The following CDH11 variants were observed in gnomAD, a reference collection of about 807,000 sequenced individuals.
The protein encoded by CDH11 is cadherin-11.
In CDH11, 11 loss-of-function variants were observed where a neutral mutation model predicts 67.8. That is an observed-to-expected ratio of 0.16 (90% CI 0.10 to 0.27). The LOEUF (loss-of-function observed/expected upper bound fraction) is 0.27, where lower values mean the gene tolerates loss of function less well. Ranked by LOEUF, CDH11 falls within the 10% of genes least tolerant of loss-of-function variation. CDH11 has a pLI of 1.00. For synonymous variants in CDH11, 419 were observed against 400.0 expected, an observed-to-expected ratio of 1.05 and a Z score of -0.57; for missense variants, 847 against 1,031.2, an observed-to-expected ratio of 0.82 and a Z score of 2.45.
chr16:65,094,039 C>T (rs188730698), intron 1 of CDH11, among the ~76,000 whole-genome samples: 208 of 152,258 alleles, frequency 1.4e-3, no homozygotes, highest in African/African-American at 4.4e-3. Context: ...AATACTAAGG[C>T]CCATTTACTA....
chr16:64,961,034 C>T (rs1475099684), intron 11 of CDH11, among the ~76,000 whole-genome samples: 2 of 152,202 alleles, frequency 1.3e-5, no homozygotes, highest in South Asian at 2.1e-4. Flanking sequence ...TGGGGATTCC[C>T]TGACATCAGA....
At position 64,947,328 on chromosome 16, in the gene CDH11, A is replaced by ACTT. The variant is rs2071219487; in HGVS notation, c.*272_*274dup. The ACTT allele has an allele frequency of 1.3e-5, 16 of 1,225,624 alleles. No individual in the cohort carries two copies. The South Asian group carries it at 3.2e-4, about 25-fold the overall frequency. The allele number at this position is 1,225,624 out of a possible 1,614,324, so 75.9% of individuals were successfully genotyped here. On this transcript the variant is annotated 3_prime_UTR_variant, in exon 13 of 13. Transcript: ENST00000268603. ...CCCTTCATTGTCAGTTCAGCGTTAG[A>ACTT]CTTCTCCTTCACTTAAATATTTTGT...
At position 64,982,232 on chromosome 16, in the gene CDH11, T is replaced by C. The variant is rs759008846; in HGVS notation, c.1069A>G (p.Lys357Glu). Reference sequence around the variant, plus strand: ...TTGAAAGGGCCATTGCTGATAAACTTCGGGTCGATGTGCACGTTGGCTGCC... The same window carrying C: ...TTGAAAGGGCCATTGCTGATAAACTCCGGGTCGATGTGCACGTTGGCTGCC... ...VEAANVHIDP[K>E]FISNGPFKDT... The change falls in exon 8 of 13, where the codon AAG (lysine) becomes GAG (glutamate). Residue 357 changes from lysine to glutamate, a missense_variant. By Grantham distance (56) the Lys-to-Glu change is moderately conservative. Around this residue, in one of 2 missense-constraint regions of CDH11, gnomAD observed 612 missense variants for 678.7 expected, o/e 0.90. Transcript: ENST00000268603. The C allele has an allele frequency of 4.3e-6, 7 of 1,613,842 alleles. No individual in the cohort carries two copies. The East Asian group carries it at 1.6e-4, about 36-fold the overall frequency.
chr16:65,004,479 T>C (rs538579693), intron 3 of CDH11, among the ~76,000 whole-genome samples, 163 bp downstream of exon 3: 1 of 152,316 alleles, frequency 6.6e-6, no homozygotes, highest in African/African-American at 2.4e-5. Context: ...TTTAAAAGTC[T>C]GGAATAACAT....
chr16:65,029,988 G>GA (rs1427355428), intron 2 of CDH11, among the ~76,000 whole-genome samples: 1 of 152,156 alleles, frequency 6.6e-6, no homozygotes, highest in Non-Finnish European at 1.5e-5. Flanking sequence ...GCTAAGATGG[G>GA]ACAGATTTCC....
chr16:64,980,301 C>A (rs1163911156), intron 8 of CDH11, among the ~76,000 whole-genome samples: 3 of 152,104 alleles, frequency 2.0e-5, no homozygotes, highest in African/African-American at 7.2e-5. Flanking sequence ...CCAGATTTGG[C>A]CTATGGGCTA....
At chr16:65,070,161 G>A (rs532129190) in intron 1 of CDH11, among the ~76,000 whole-genome samples, 1 of 152,162 alleles carries the variant, frequency 6.6e-6, no homozygotes, top group African/African-American at 2.4e-5. Flanking sequence ...AGGTAAGTAA[G>A]TTTAATATCT....
chr16:64,948,096 A>G lies in CDH11; in HGVS notation c.1898T>C (p.Ile633Thr). Residue 633 changes from isoleucine to threonine, a missense_variant, in exon 13 of 13, where the codon ATT (isoleucine) becomes ACT (threonine). Physicochemically the swap from Ile to Thr is moderately conservative, Grantham distance 89 (BLOSUM62 -1). Coordinates refer to ENST00000268603, the MANE Select transcript of CDH11 (RefSeq NM_001797.4). ...TCTCAGGGTCACAAACAATACTACA[A>G]TGACTGGAGGGAAAGAAAAAGAAGG... ...ILACIVILLV[I>T]VVLFVTLRRQ... The G allele has an allele frequency of 1.2e-6, 2 of 1,610,058 alleles. No homozygotes were observed. Among genetic ancestry groups the G allele is most frequent in the Non-Finnish European group, 1.7e-6 (2 of 1,177,400 alleles).
chr16:64,977,190 A>C (rs2072195609), intron 8 of CDH11, among the ~76,000 whole-genome samples: 1 of 152,144 alleles, frequency 6.6e-6, no homozygotes, highest in Non-Finnish European at 1.5e-5. Context: ...ACAGAGTGAG[A>C]CCCTGTCTCA....
At chr16:65,110,624 ATGTGTGTGTGTGTGTGTGTG>A (rs57316241) in intron 1 of CDH11, among the ~76,000 whole-genome samples, 21 of 135,920 alleles carry the variant, frequency 1.5e-4, no homozygotes, top group South Asian at 7.9e-4. Context: ...ATGGCCAATG[ATGTGTGTGTGTGTGTGTGTG>A]TGTGTGTGTG....
rs1567522642 is a variant in CDH11 at position 65,004,860 on chromosome 16, T to G, written c.10A>C (p.Asn4His). 2.0e-6 allele frequency: 3 copies of G among 1,528,124 alleles called. No homozygotes were observed. Among genetic ancestry groups the G allele is most frequent in the Non-Finnish European group, 2.6e-6 (3 of 1,133,246 alleles). The allele number at this position is 1,528,124 out of a possible 1,614,324, so 94.7% of individuals were successfully genotyped here. Residue 4 changes from asparagine (N) to histidine (H), a missense_variant, in exon 3 of 13, where the codon AAC becomes CAC. This residue lies in a region of CDH11 where 235 missense variants were observed against 352.5 expected (regional missense o/e 0.67). Coordinates refer to ENST00000268603, the MANE Select transcript of CDH11 (RefSeq NM_001797.4). ...ACCAGGGCGGCTTGTAAACAGTAGT[T>G]CTCCTTCATTTTTGGTTACGTGGTA... is the stretch of plus-strand genomic sequence containing the variant. MKENYCLQAALVCL... is the reference protein window; with the variant it reads MKEHYCLQAALVCL...
At chr16:65,028,027 G>A (rs1280402393) in intron 2 of CDH11, among the ~76,000 whole-genome samples, 1 of 152,196 alleles carries the variant, frequency 6.6e-6, no homozygotes, top group Non-Finnish European at 1.5e-5. Context: ...GATTGCAAGG[G>A]CACTTCACTA....
upstream of CDH11, chr16:65,122,151 G>C: frequency 2.1e-6 from 1 of 476,946 alleles, no homozygotes; most frequent in Non-Finnish European, 3.7e-6. Flanking sequence ...GGGGCGGGAG[G>C]AGGGAGGCTG....
At position 64,944,744 on chromosome 16, in the gene CDH11, A is replaced by G. The variant is rs984900770; in HGVS notation, c.*2859T>C. On this transcript the variant is annotated 3_prime_UTR_variant, in exon 13 of 13. Coordinates refer to ENST00000268603, the MANE Select transcript of CDH11 (RefSeq NM_001797.4). ...GGCCTAAAAGAAATAACTTAGCTAA[A>G]CCCAAGATCTGTCCAGAATTGCCAC... 1.3e-5 allele frequency: 3 copies of G among 231,130 alleles called. No individual in the cohort carries two copies. Among genetic ancestry groups the G allele is most frequent in the Non-Finnish European group, 2.6e-5 (3 of 116,788 alleles). The allele number at this position is 231,130 out of a possible 1,614,324, so 14.3% of individuals were successfully genotyped here. A position where few individuals can be genotyped will look rare whatever the true frequency, so the allele number is the denominator to read the frequency against.
At chr16:65,015,522 G>C (rs1405901532) in intron 2 of CDH11, among the ~76,000 whole-genome samples, 3 of 151,842 alleles carry the variant, frequency 2.0e-5, no homozygotes, top group Non-Finnish European at 2.9e-5. Flanking sequence ...AGCATCAAGA[G>C]GAAAAAGATA....
chr16:65,077,413 C>T (rs1192065469), intron 1 of CDH11, among the ~76,000 whole-genome samples: 1 of 152,152 alleles, frequency 6.6e-6, no homozygotes, highest in Non-Finnish European at 1.5e-5. Flanking sequence ...TATTGTGAGA[C>T]ACATGTGCAG....
intron 2 of CDH11, among the ~76,000 whole-genome samples, chr16:65,034,432 T>C (rs2073710902): frequency 6.6e-6 from 1 of 152,158 alleles, no homozygotes. Flanking sequence ...AACAACCCAC[T>C]GCCAGGATGC....
rs74026213 is a variant in CDH11 at position 64,968,651 on chromosome 16, G to A, written c.1642+2928C>T. On this transcript the variant is annotated intron_variant, in intron 11 of 12. Coordinates refer to ENST00000268603, the MANE Select transcript of CDH11 (RefSeq NM_001797.4). ...CTTTTCCTCTTATATTTCTAAAAACGCTGAATGCTTATGCCGGAGTTTAGG... is the reference window on the plus strand; with the variant it reads ...CTTTTCCTCTTATATTTCTAAAAACACTGAATGCTTATGCCGGAGTTTAGG... The A allele has an allele frequency of 3.0e-5, 19 of 642,340 alleles. No homozygotes were observed. The South Asian group carries it at 1.1e-3, about 37-fold the overall frequency. 39.8% of individuals were successfully genotyped at this position (642,340 alleles called of 1,614,324 possible).
intron 1 of CDH11, among the ~76,000 whole-genome samples, chr16:65,060,600 T>C (rs533877544): frequency 1.6e-4 from 24 of 152,216 alleles, no homozygotes; most frequent in African/African-American, 5.8e-4. Context: ...ACTACTAGGG[T>C]GAACAAAGCA....
Sources: gnomAD v4.1 joint callset for allele counts (sites outside exome capture counted in the v4.1 genomes callset) on GRCh38, gnomAD v4.1.1 for gene constraint, gnomAD v4.1.1 regional missense constraint, MANE v1.5 for transcripts, NCBI Gene and HGNC (gene_info 2026-07-23, HGNC 2026-07-21) for gene names.